NECAB1: variants seen among roughly 807,000 people sequenced by gnomAD.
NECAB1 encodes the protein N-terminal EF-hand calcium binding protein 1.
A neutral mutation model predicts 57.5 loss-of-function variants in NECAB1; 29 were observed. The observed-to-expected ratio is 0.50, with a 90% CI of 0.38 to 0.69. The LOEUF (loss-of-function observed/expected upper bound fraction) is 0.69, where lower values mean the gene tolerates loss of function less well. Among genes scored for constraint, NECAB1 ranks in the 30% least tolerant of loss-of-function variants. The pLI, the probability that NECAB1 is intolerant of heterozygous loss-of-function variation, is 0.00. For missense variants in NECAB1, 372 were observed against 413.8 expected, an observed-to-expected ratio of 0.90 and a Z score of 0.88; for synonymous variants, 142 against 147.7, an observed-to-expected ratio of 0.96 and a Z score of 0.28.
chr8:90,890,096 T>C (rs1809121970), intron 5 of NECAB1, among the ~76,000 whole-genome samples: 3 of 152,206 alleles, frequency 2.0e-5, no homozygotes, highest in Admixed American at 2.0e-4. Context: ...CTATCCCTTA[T>C]ATTAGTTGAA....
chr8:90,900,472 A>C (rs1809474506), intron 5 of NECAB1, among the ~76,000 whole-genome samples: 1 of 152,240 alleles, frequency 6.6e-6, no homozygotes, highest in African/African-American at 2.4e-5. Context: ...TTGAGAAAAC[A>C]AACACAAAGG....
chr8:90,853,277 T>G (rs764304122), intron 3 of NECAB1, among the ~76,000 whole-genome samples: 2 of 152,244 alleles, frequency 1.3e-5, no homozygotes, highest in Non-Finnish European at 2.9e-5. Flanking sequence ...TTCCTGCCTC[T>G]TTCTCTCACA....
intron 1 of NECAB1, among the ~76,000 whole-genome samples, chr8:90,797,724 T>C (rs1345475022): frequency 6.6e-6 from 1 of 152,216 alleles, no homozygotes; most frequent in African/African-American, 2.4e-5. Context: ...AGGGTTAACT[T>C]CATTGCAGCT....
chr8:90,835,980 T>A (rs1812365375), intron 3 of NECAB1, among the ~76,000 whole-genome samples: 1 of 152,166 alleles, frequency 6.6e-6, no homozygotes, highest in African/African-American at 2.4e-5. Context: ...TTCCTTTTGT[T>A]TGGGAGGAGG....
intron 2 of NECAB1, among the ~76,000 whole-genome samples, chr8:90,819,728 G>T (rs553094120): frequency 1.3e-5 from 2 of 151,976 alleles, no homozygotes; most frequent in African/African-American, 4.8e-5. Context: ...ACTTTTGCAG[G>T]TGTTTTTTAG....
chr8:90,813,423 G>C (rs1372620446), intron 2 of NECAB1, among the ~76,000 whole-genome samples: 2 of 151,930 alleles, frequency 1.3e-5, no homozygotes, highest in Non-Finnish European at 2.9e-5. Context: ...TATCTAATAT[G>C]AATAAGTATA....
At chr8:90,886,726 C>T (rs942881707) in intron 5 of NECAB1, among the ~76,000 whole-genome samples, 9 of 151,806 alleles carry the variant, frequency 5.9e-5, no homozygotes, top group African/African-American at 2.2e-4. Flanking sequence ...CTTAGTTTGC[C>T]GTGTTTGCAT....
rs887045492 is a variant in NECAB1 at position 90,956,376 on chromosome 8, C to A, written c.*864C>A. The A allele has an allele frequency of 6.6e-6, 1 of 151,648 alleles. No individual in the cohort carries two copies. The highest frequency in any genetic ancestry group is 1.5e-5 in the Non-Finnish European group (1 of 67,852). 9.4% of individuals were successfully genotyped at this position (151,648 alleles called of 1,614,324 possible). A position where few individuals can be genotyped will look rare whatever the true frequency, so the allele number is the denominator to read the frequency against. Reference sequence around the variant, plus strand: ...ATACTTGAAAAATAAAATTTTAACCCAAATGAATAACTAAGAAATATAAAA... The same window carrying A: ...ATACTTGAAAAATAAAATTTTAACCAAAATGAATAACTAAGAAATATAAAA... On this transcript the variant is annotated 3_prime_UTR_variant, in exon 13 of 13. Transcript: ENST00000417640.
chr8:90,855,079 T>C (rs547589722), intron 3 of NECAB1, among the ~76,000 whole-genome samples: 1 of 152,318 alleles, frequency 6.6e-6, no homozygotes, highest in East Asian at 1.9e-4. Flanking sequence ...CAAACAAACA[T>C]GTAGCCCTCA....
chr8:90,813,230 TATATACAC>T (rs1219721928), intron 2 of NECAB1: 47 of 138,636 alleles, frequency 3.4e-4, no homozygotes, highest in African/African-American at 1.2e-3. Context: ...TATATATGTA[TATATACAC>T]ACACACACAC....
intron 3 of NECAB1, among the ~76,000 whole-genome samples, chr8:90,858,635 A>G (rs1034677084): frequency 4.6e-5 from 7 of 152,084 alleles, no homozygotes; most frequent in Non-Finnish European, 8.8e-5. Context: ...AAAAAAAAAA[A>G]ACAGCAAATG....
chr8:90,955,522 G>A lies in NECAB1; in HGVS notation c.*10G>A. ...GATCCTGAACAACTAGATGTTCCTA[G>A]ACATTTTCTTTATGGTTCCAAGTGC... On this transcript the variant is annotated 3_prime_UTR_variant, in exon 13 of 13. Transcript: ENST00000417640. 1.3e-6 allele frequency: 2 copies of A among 1,550,496 alleles called. No homozygotes were observed. Among genetic ancestry groups the A allele is most frequent in the South Asian group, 2.4e-5 (2 of 82,580 alleles).
chr8:90,867,703 AT>A (rs758283368), intron 3 of NECAB1, among the ~76,000 whole-genome samples: 11 of 152,256 alleles, frequency 7.2e-5, no homozygotes, highest in Non-Finnish European at 1.6e-4. Context: ...ACATTGTAAA[AT>A]TATACAATGA....
chr8:90,804,027 G>T (rs1228407218), intron 2 of NECAB1, among the ~76,000 whole-genome samples: 1 of 152,184 alleles, frequency 6.6e-6, no homozygotes, highest in African/African-American at 2.4e-5. Flanking sequence ...TTAAGGTGGA[G>T]ACTGCTTGTT....
At chr8:90,851,936 T>C (rs1241289328) in intron 3 of NECAB1, among the ~76,000 whole-genome samples, 1 of 151,858 alleles carries the variant, frequency 6.6e-6, no homozygotes, top group African/African-American at 2.4e-5. Context: ...TGTGCATCCC[T>C]CCCCACCCCC....
chr8:90,893,651 C>T (rs921046519), intron 5 of NECAB1, among the ~76,000 whole-genome samples: 1 of 152,136 alleles, frequency 6.6e-6, no homozygotes, highest in Admixed American at 6.5e-5. Context: ...ACACAATACT[C>T]TTTCTGAACT....
intron 8 of NECAB1, among the ~76,000 whole-genome samples, chr8:90,930,692 G>T (rs1810383717): frequency 6.6e-6 from 1 of 152,124 alleles, no homozygotes; most frequent in Non-Finnish European, 1.5e-5. Flanking sequence ...ACACTTACTG[G>T]AGCAAATACT....
chr8:90,953,742 C>CA (rs1366712797), intron 12 of NECAB1, among the ~76,000 whole-genome samples: 1 of 152,038 alleles, frequency 6.6e-6, no homozygotes, highest in African/African-American at 2.4e-5. Context: ...CAGTTTTGTA[C>CA]ATTTTGTGTT....
chr8:90,806,136 T>C (rs1288899802), intron 2 of NECAB1, among the ~76,000 whole-genome samples: 2 of 152,232 alleles, frequency 1.3e-5, no homozygotes, highest in Non-Finnish European at 2.9e-5. Context: ...ATTCCTCTTG[T>C]TGATTTGCAC....
Sources: allele counts gnomAD v4.1 joint callset (sites outside exome capture counted in the v4.1 genomes callset), GRCh38; gene constraint gnomAD v4.1.1; transcripts MANE v1.5; gene names NCBI Gene and HGNC (gene_info 2026-07-23, HGNC 2026-07-21).